Variants in NUP210L observed in about 807,000 individuals in gnomAD.
NUP210L encodes nucleoporin 210 like.
In NUP210L, 74 loss-of-function variants were observed where a neutral mutation model predicts 208.5. That is an observed-to-expected ratio of 0.35 (90% CI 0.29 to 0.43). NUP210L has a LOEUF of 0.43. Ranked by LOEUF, NUP210L falls within the 20% of genes least tolerant of loss-of-function variation. The pLI, the probability that NUP210L is intolerant of heterozygous loss-of-function variation, is 1.00. For synonymous variants in NUP210L, 780 were observed against 816.9 expected, an observed-to-expected ratio of 0.95 and a Z score of 0.77; for missense variants, 1,843 against 2,289.4, an observed-to-expected ratio of 0.81 and a Z score of 3.98.
chr1:154,003,531 G>A (rs1284257071), intron 35 of NUP210L, among the ~76,000 whole-genome samples: 1 of 151,596 alleles, frequency 6.6e-6, no homozygotes, highest in Non-Finnish European at 1.5e-5. Flanking sequence ...TAGAGACAGA[G>A]TCTTGCTCTT....
chr1:154,095,010 T>C (rs753616393), exon 15 of NUP210L: 3 of 1,614,054 alleles, frequency 1.9e-6, no homozygotes, highest in African/African-American at 2.7e-5. Context: ...GCCACACTTG[T>C]GCTATTCCAA....
At chr1:154,117,589 A>G in intron 12 of NUP210L, 136 bp downstream of exon 12, 1 of 693,792 alleles carries the variant, frequency 1.4e-6, no homozygotes, top group Non-Finnish European at 2.3e-6. Flanking sequence ...GTCTCCAAAA[A>G]AAAAAGTATT....
At chr1:154,132,567 T>A (rs1558000391) in intron 7 of NUP210L, among the ~76,000 whole-genome samples, 1 of 152,058 alleles carries the variant, frequency 6.6e-6, no homozygotes, top group Admixed American at 6.6e-5. Context: ...ATCCATGTCC[T>A]CAAAAAAGAT....
chr1:154,019,002 T>G, exon 33 of NUP210L: 1 of 1,614,128 alleles, frequency 6.2e-7, no homozygotes, highest in Non-Finnish European at 8.5e-7. Context: ...TCCTGGCCAC[T>G]CCTACTCCAG....
chr1:154,126,374 C>T (rs747489152), exon 10 of NUP210L: 4 of 1,613,604 alleles, frequency 2.5e-6, no homozygotes, highest in Non-Finnish European at 2.5e-6. Context: ...CACCATCTTT[C>T]AGGGCTTTTA....
chr1:154,130,410 C>T (rs1477599734), intron 7 of NUP210L, among the ~76,000 whole-genome samples: 2 of 151,786 alleles, frequency 1.3e-5, no homozygotes, highest in Non-Finnish European at 2.9e-5. Context: ...GTAGCTGGGA[C>T]TATAGGCGCG....
intron 25 of NUP210L, among the ~76,000 whole-genome samples, chr1:154,052,720 C>T (rs1349985344): frequency 6.6e-6 from 1 of 152,080 alleles, no homozygotes; most frequent in Non-Finnish European, 1.5e-5. Flanking sequence ...AGGCATATTG[C>T]CCTCAAAAAC....
chr1:154,100,290 A>G (rs998964265), intron 13 of NUP210L, 147 bp from the exon 14 acceptor site: 1 of 664,836 alleles, frequency 1.5e-6, no homozygotes, highest in Non-Finnish European at 2.6e-6. Context: ...TGTCTACAAA[A>G]TATTTAAAAA....
chr1:154,015,752 C>T (rs947787514), intron 33 of NUP210L, among the ~76,000 whole-genome samples: 7 of 150,512 alleles, frequency 4.7e-5, no homozygotes, highest in African/African-American at 1.7e-4. Context: ...CACACACACC[C>T]CACAGAATTA....
chr1:153,992,819 C>G (rs746587895), exon 40 of NUP210L: 18 of 1,545,022 alleles, frequency 1.2e-5, no homozygotes, highest in Middle Eastern at 1.7e-4. Flanking sequence ...TTAAGAGAAA[C>G]TTGTCCAAGC....
chr1:154,149,419 A>G (rs1054492582), intron 2 of NUP210L, among the ~76,000 whole-genome samples: 8 of 152,278 alleles, frequency 5.3e-5, no homozygotes, highest in Non-Finnish European at 7.4e-5. Flanking sequence ...CATTGACCAT[A>G]AAGAAAAAAA....
At chr1:154,131,282 A>G (rs1181152664) in intron 7 of NUP210L, among the ~76,000 whole-genome samples, 1 of 151,738 alleles carries the variant, frequency 6.6e-6, no homozygotes, top group Non-Finnish European at 1.5e-5. Flanking sequence ...AAAAAAAAAA[A>G]AAAGAAAAGA....
intron 7 of NUP210L, among the ~76,000 whole-genome samples, chr1:154,133,554 A>C (rs892921835): frequency 2.0e-5 from 3 of 148,370 alleles, no homozygotes; most frequent in Non-Finnish European, 4.5e-5. Context: ...AAAAAAAAAA[A>C]TCTGGCTGGG....
chr1:154,067,927 T>G (rs1654499626), intron 17 of NUP210L, among the ~76,000 whole-genome samples: 1 of 152,144 alleles, frequency 6.6e-6, no homozygotes, highest in Non-Finnish European at 1.5e-5. Flanking sequence ...TACAAACCAC[T>G]GCTTAACGAA....
chr1:154,062,733 G>C (rs1235264567), intron 17 of NUP210L, among the ~76,000 whole-genome samples: 2 of 151,544 alleles, frequency 1.3e-5, no homozygotes, highest in African/African-American at 4.8e-5. Flanking sequence ...GACCACAGGT[G>C]CACGTCAACA....
chr1:154,029,565 T>TG (rs1228275272), intron 28 of NUP210L, among the ~76,000 whole-genome samples: 1 of 151,474 alleles, frequency 6.6e-6, no homozygotes, highest in Non-Finnish European at 1.5e-5. Context: ...TAGCTGGGCT[T>TG]GGTGGCACAT....
At chr1:153,993,651 G>T (rs940389515) in intron 38 of NUP210L, among the ~76,000 whole-genome samples, 2 of 151,026 alleles carry the variant, frequency 1.3e-5, no homozygotes, top group African/African-American at 2.4e-5. Context: ...GGTGGCTCAC[G>T]CCTGTAATCC....
In NUP210L at chr1:154,070,470, A is replaced by G; in HGVS notation, c.2362-5T>C. ...CCTCAGTCTTGATACAGGAATCTGCATTAAAATAAAAAGTAATAAAACAAC... is the reference window on the plus strand; with the variant it reads ...CCTCAGTCTTGATACAGGAATCTGCGTTAAAATAAAAAGTAATAAAACAAC... On this transcript the variant is annotated splice_region_variant and splice_polypyrimidine_tract_variant and intron_variant, in intron 16 of 39. Transcript: ENST00000368559. 1 of 1,526,248 alleles carries G rather than the reference A, an allele frequency of 6.6e-7. No homozygotes were observed. Among genetic ancestry groups the G allele is most frequent in the Non-Finnish European group, 8.8e-7 (1 of 1,137,362 alleles). 94.5% of individuals were successfully genotyped at this position (1,526,248 alleles called of 1,614,324 possible). A position where few individuals can be genotyped will look rare whatever the true frequency, so the allele number is the denominator to read the frequency against.
rs1442358852 is a variant in NUP210L, at chr1:154,034,255, G to C, written c.3697-4201C>G. On this transcript the variant is annotated intron_variant, in intron 27 of 39. Coordinates refer to ENST00000368559, the Ensembl canonical transcript of NUP210L. Reference sequence around the variant, plus strand: ...TTTTCAGAATAGTTTGAGTAGGATTGGTATTAGTTCTCCTTTAAATGTTTG... The same window carrying C: ...TTTTCAGAATAGTTTGAGTAGGATTCGTATTAGTTCTCCTTTAAATGTTTG... Among the ~76,000 whole-genome samples the C allele has an allele frequency of 5.9e-5, 9 of 152,194 alleles. No individual in the cohort carries two copies. In the East Asian group the frequency reaches 1.7e-3, roughly 29 times the overall value.
Sources: allele counts gnomAD v4.1 joint callset (sites outside exome capture counted in the v4.1 genomes callset), GRCh38; gene constraint gnomAD v4.1.1; transcripts MANE v1.5; gene names NCBI Gene and HGNC (gene_info 2026-07-23, HGNC 2026-07-21).